The following CASP4 variants were observed in gnomAD, a reference collection of about 807,000 sequenced individuals.
CASP4 encodes the protein caspase-4.
Under a neutral mutation model 41.3 loss-of-function variants are expected in CASP4, and 29 were observed. The ratio of observed to expected loss-of-function variants is 0.70; its 90% CI spans 0.52 to 0.96. The LOEUF is 0.96. CASP4 is among the 40% of genes least tolerant of loss of function. The pLI, the probability that CASP4 is intolerant of heterozygous loss-of-function variation, is 0.00. For missense variants in CASP4, 447 were observed against 460.6 expected (o/e 0.97, Z 0.27); for synonymous variants, 185 against 158.4 (o/e 1.17, Z -1.26).
chr11:104,961,884 C>T (rs1182743012), intron 1 of CASP4, among the ~76,000 whole-genome samples: 2 of 152,182 alleles, frequency 1.3e-5, no homozygotes, highest in African/African-American at 2.4e-5. Flanking sequence ...AGGCCTGTCT[C>T]ATGGTGACTA....
At chr11:104,947,848 G>C (rs1327253001) in intron 6 of CASP4, 1 of 152,098 alleles carries the variant, frequency 6.6e-6, no homozygotes, top group Non-Finnish European at 1.5e-5. Flanking sequence ...ATAATAAACA[G>C]AGAAGTGTAA....
At chr11:104,968,028 TAGTC>T (rs932492988) in intron 1 of CASP4, among the ~76,000 whole-genome samples, 1 of 151,566 alleles carries the variant, frequency 6.6e-6, no homozygotes, top group Admixed American at 6.6e-5. Context: ...TATATTAAAG[TAGTC>T]AGTATCAGGA....
intron 1 of CASP4, among the ~76,000 whole-genome samples, chr11:104,958,613 TAAC>T (rs1428864909): frequency 6.6e-6 from 1 of 152,006 alleles, no homozygotes; most frequent in Non-Finnish European, 1.5e-5. Context: ...AGACAAAAGA[TAAC>T]AAATGGTGGA....
chr11:104,960,000 C>T (rs1038751391), intron 1 of CASP4, among the ~76,000 whole-genome samples: 1 of 152,184 alleles, frequency 6.6e-6, no homozygotes. Context: ...CTAGATTTGA[C>T]CATGAAAACT....
At chr11:104,968,216 C>A (rs867284006) in intron 1 of CASP4, among the ~76,000 whole-genome samples, 1 of 152,166 alleles carries the variant, frequency 6.6e-6, no homozygotes, top group Non-Finnish European at 1.5e-5. Flanking sequence ...GAGTGCATTT[C>A]GAAACTTCTA....
chr11:104,952,509 A>C (rs549164197), intron 2 of CASP4, among the ~76,000 whole-genome samples: 12 of 152,256 alleles, frequency 7.9e-5, no homozygotes, highest in South Asian at 4.1e-4. Flanking sequence ...ATAACATACA[A>C]AAAGTATTAT....
intron 1 of CASP4, among the ~76,000 whole-genome samples, chr11:104,959,674 T>C (rs1344624084): frequency 1.3e-5 from 2 of 152,214 alleles, no homozygotes; most frequent in Non-Finnish European, 2.9e-5. Context: ...TGTTCATTTT[T>C]TCATTTCCAT....
chr11:104,948,426 A>G lies in CASP4; in HGVS notation c.925+107T>C, dbSNP rs562962002. On this transcript the variant is annotated intron_variant, in intron 6 of 8. Coordinates refer to ENST00000444739, the MANE Select transcript of CASP4 (RefSeq NM_001225.4). ...ATCATGTAAAATATGTGGAGAGCAC[A>G]CAACATTCTATCAGATCATTGTTTC... 670 of 1,164,120 alleles carry G rather than the reference A, an allele frequency of 5.8e-4. 10 individuals are homozygous for G. In the South Asian group the frequency reaches 0.013, roughly 22 times the overall value. The allele number at this position is 1,164,120 out of a possible 1,614,324, so 72.1% of individuals were successfully genotyped here.
chr11:104,944,361 TC>T (rs1860398203), intron 8 of CASP4: 5 of 105,366 alleles, frequency 4.7e-5, no homozygotes, highest in African/African-American at 1.7e-4. Flanking sequence ...TCTCTCTCTC[TC>T]TCTCTCTGTG....
chr11:104,948,697 T>C, intron 5 of CASP4, 21 bp from the exon 6 acceptor site: 1 of 1,570,050 alleles, frequency 6.4e-7, no homozygotes, highest in Non-Finnish European at 8.7e-7. Flanking sequence ...ATTAACTTTC[T>C]GCACACTGCT....
chr11:104,949,671 C>T lies in CASP4; in HGVS notation c.653G>A (p.Gly218Glu). ...TGGTTTTTTCTCATCATGCACAGTT[C>T]CGCAGATTCCCTCCAGGATGCCATG... ...MSHGILEGIC[G>E]TVHDEKKPDV... The change falls in exon 5 of 9, where the codon GGA (glycine) becomes GAA (glutamate). Residue 218 changes from glycine (G) to glutamate (E), a missense_variant. Transcript: ENST00000444739. The T allele has an allele frequency of 6.2e-7, 1 of 1,613,928 alleles. No individual in the cohort carries two copies. The highest frequency in any genetic ancestry group is 8.5e-7 in the Non-Finnish European group (1 of 1,179,890).
rs772020770 is a variant in CASP4 at position 104,944,720 on chromosome 11, A to C, written c.*5+28T>G. The C allele has an allele frequency of 1.2e-5, 16 of 1,374,704 alleles. No homozygotes were observed. The African/African-American group carries it at 2.3e-4, about 20-fold the overall frequency. 85.2% of individuals were successfully genotyped at this position (1,374,704 alleles called of 1,614,324 possible). On this transcript the variant is annotated intron_variant, in intron 8 of 8. Coordinates refer to ENST00000444739, the MANE Select transcript of CASP4 (RefSeq NM_001225.4). ...AATATCACTCTCTTATTTATTTCACATACCACCAACAACTCTCAATACTTA... is the reference window on the plus strand; with the variant it reads ...AATATCACTCTCTTATTTATTTCACCTACCACCAACAACTCTCAATACTTA...
chr11:104,957,618 T>A (rs1293134186), intron 1 of CASP4, among the ~76,000 whole-genome samples: 1 of 152,084 alleles, frequency 6.6e-6, no homozygotes, highest in Non-Finnish European at 1.5e-5. Context: ...AAAATATTGA[T>A]AGGGAAAACT....
chr11:104,964,057 CATT>C (rs1451390607), intron 1 of CASP4, among the ~76,000 whole-genome samples: 2 of 152,072 alleles, frequency 1.3e-5, no homozygotes, highest in South Asian at 2.1e-4. Flanking sequence ...ATTTACTGTA[CATT>C]ATTAGTAATT....
At chr11:104,947,043 C>T in intron 7 of CASP4, 40 bp downstream of exon 7, 2 of 1,363,912 alleles carry the variant, frequency 1.5e-6, no homozygotes, top group Non-Finnish European at 2.1e-6. Flanking sequence ...ACAAATTCTT[C>T]CTGAAGAAAT....
chr11:104,947,328 C>T, intron 6 of CASP4, 136 bp from the exon 7 acceptor site: 1 of 478,440 alleles, frequency 2.1e-6, no homozygotes. Context: ...GAAGCACTTA[C>T]AACCTGACAT....
intron 1 of CASP4, among the ~76,000 whole-genome samples, chr11:104,961,003 A>T (rs1166464024): frequency 6.6e-6 from 1 of 152,258 alleles, no homozygotes; most frequent in Admixed American, 6.5e-5. Context: ...CTTAAGGAAT[A>T]TGAAACCACC....
chr11:104,947,853 G>T (rs1394610140), intron 6 of CASP4: 2 of 152,134 alleles, frequency 1.3e-5, no homozygotes, highest in African/African-American at 4.8e-5. Flanking sequence ...AAACAGAGAA[G>T]TGTAAGAATC....
intron 1 of CASP4, among the ~76,000 whole-genome samples, chr11:104,958,987 A>AG (rs1860801391): frequency 7.4e-6 from 1 of 134,896 alleles, no homozygotes; most frequent in East Asian, 2.3e-4. Flanking sequence ...AAAAAAAAAA[A>AG]GAGTAAATTA....
Sources: allele counts gnomAD v4.1 joint callset (sites outside exome capture counted in the v4.1 genomes callset), GRCh38; gene constraint gnomAD v4.1.1; transcripts MANE v1.5; gene names NCBI Gene and HGNC (gene_info 2026-07-23, HGNC 2026-07-21).